DEPTOR: variants seen among roughly 807,000 people sequenced by gnomAD.
DEPTOR encodes DEP domain containing MTOR interacting protein.
In DEPTOR, 41 loss-of-function variants were observed where a neutral mutation model predicts 41.6. The observed-to-expected ratio is 0.98, with a 90% CI of 0.77 to 1.28. DEPTOR has a LOEUF of 1.28. DEPTOR is among the 50% of genes most tolerant of loss of function. The pLI is 0.00. For synonymous variants in DEPTOR, 195 were observed against 192.3 expected (o/e 1.01, Z -0.12); for missense variants, 514 against 527.9 (o/e 0.97, Z 0.26).
chr8:119,982,867 G>T (rs1024793319), intron 4 of DEPTOR, among the ~76,000 whole-genome samples: 22 of 152,154 alleles, frequency 1.4e-4, no homozygotes, highest in African/African-American at 4.8e-4. Flanking sequence ...TGTGTCACAT[G>T]GTCACCCCAT....
At chr8:120,004,068 G>A (rs1475303842) in intron 6 of DEPTOR, among the ~76,000 whole-genome samples, 2 of 151,984 alleles carry the variant, frequency 1.3e-5, no homozygotes, top group African/African-American at 4.8e-5. Context: ...CAGATCTTGG[G>A]GATACAAAGA....
intron 4 of DEPTOR, among the ~76,000 whole-genome samples, chr8:119,977,781 G>A (rs930783518): frequency 6.6e-6 from 1 of 152,106 alleles, no homozygotes. Flanking sequence ...GTAATATTTT[G>A]AAAGAAGAGT....
At chr8:120,024,269 C>T (rs1349988377) in intron 8 of DEPTOR, among the ~76,000 whole-genome samples, 1 of 151,972 alleles carries the variant, frequency 6.6e-6, no homozygotes, top group South Asian at 2.1e-4. Context: ...ATAAAAGACA[C>T]CTCTGGAAGT....
In DEPTOR at chr8:120,013,160, G is replaced by GA. The variant is rs1210970977; in HGVS notation, c.1101+4042dup. Reference sequence around the variant, plus strand: ...TGACAGAGCGAGACTGTCTCAAAAAGAAAAAAAAAAAAAAAGATGATGGGA... The same window carrying GA: ...TGACAGAGCGAGACTGTCTCAAAAAGAAAAAAAAAAAAAAAAGATGATGGGA... On this transcript the variant is annotated intron_variant, in intron 8 of 8. Coordinates refer to ENST00000286234, the MANE Select transcript of DEPTOR (RefSeq NM_022783.4). 3.1e-3 allele frequency among the ~76,000 whole-genome samples: 357 copies of GA among 113,504 alleles called. 1 individual carries two copies. Among genetic ancestry groups the GA allele is most frequent in the Middle Eastern group, 0.014 (3 of 218 alleles). The allele number at this position is 113,504 out of a possible 152,430, so 74.5% of individuals were successfully genotyped here. A position where few individuals can be genotyped will look rare whatever the true frequency, so the allele number is the denominator to read the frequency against.
At chr8:119,972,225 A>T (rs1828642282) in intron 4 of DEPTOR, among the ~76,000 whole-genome samples, 1 of 152,180 alleles carries the variant, frequency 6.6e-6, no homozygotes, top group Admixed American at 6.5e-5. Flanking sequence ...AAATGTATAG[A>T]GCTCTTACTA....
chr8:119,960,358 AAT>A (rs935718545), intron 3 of DEPTOR, among the ~76,000 whole-genome samples: 5 of 152,224 alleles, frequency 3.3e-5, no homozygotes, highest in African/African-American at 1.2e-4. Flanking sequence ...TTCCTCATTT[AAT>A]ATGAGTTTGG....
intron 3 of DEPTOR, among the ~76,000 whole-genome samples, chr8:119,956,712 G>T (rs891989789): frequency 2.2e-5 from 3 of 137,424 alleles, no homozygotes; most frequent in Non-Finnish European, 4.7e-5. Context: ...TTTTTTTTAA[G>T]AGACAGGGTT....
chr8:119,971,702 G>C (rs1828635981), intron 4 of DEPTOR, among the ~76,000 whole-genome samples: 2 of 152,162 alleles, frequency 1.3e-5, no homozygotes, highest in South Asian at 4.1e-4. Flanking sequence ...GCGGGGAGAA[G>C]GTCGGAGACA....
chr8:119,910,475 C>T lies in DEPTOR; in HGVS notation c.123-17925C>T, dbSNP rs542553019. Among the ~76,000 whole-genome samples, 12 of 151,550 alleles carry T rather than the reference C, an allele frequency of 7.9e-5. No individual in the cohort carries two copies. In the South Asian group the frequency reaches 2.5e-3, roughly 32 times the overall value. ...TTTTTTATTTTTTATTTTTTTGAGACAGAGTCCCGCTCTGTCCCCCAGGCT... is the reference window on the plus strand; with the variant it reads ...TTTTTTATTTTTTATTTTTTTGAGATAGAGTCCCGCTCTGTCCCCCAGGCT... On this transcript the variant is annotated intron_variant, in intron 1 of 8. Coordinates refer to ENST00000286234, the MANE Select transcript of DEPTOR (RefSeq NM_022783.4).
intron 2 of DEPTOR, among the ~76,000 whole-genome samples, chr8:119,929,269 T>G (rs1038676263): frequency 6.6e-6 from 1 of 152,162 alleles, no homozygotes; most frequent in Non-Finnish European, 1.5e-5. Flanking sequence ...CCTCATTTTT[T>G]GCCCAATTTC....
chr8:120,039,701 C>T (rs530023790), intron 8 of DEPTOR, among the ~76,000 whole-genome samples: 1 of 152,016 alleles, frequency 6.6e-6, no homozygotes, highest in Non-Finnish European at 1.5e-5. Flanking sequence ...TTCTCAGGAG[C>T]CTGATTATTA....
chr8:119,949,232 T>G (rs1156766608), intron 3 of DEPTOR, among the ~76,000 whole-genome samples: 1 of 152,278 alleles, frequency 6.6e-6, no homozygotes, highest in Non-Finnish European at 1.5e-5. Context: ...TATAGCCAAC[T>G]AATTCCTTGT....
chr8:119,885,990 T>C (rs1170638392), intron 1 of DEPTOR, among the ~76,000 whole-genome samples: 1 of 152,192 alleles, frequency 6.6e-6, no homozygotes, highest in Non-Finnish European at 1.5e-5. Context: ...ATAAAATTTA[T>C]ATACAATAAA....
chr8:119,973,889 C>G (rs924474480), intron 4 of DEPTOR, among the ~76,000 whole-genome samples: 2 of 152,116 alleles, frequency 1.3e-5, no homozygotes, highest in African/African-American at 4.8e-5. Context: ...ATGATTATCT[C>G]ATCCTTCAGT....
intron 4 of DEPTOR, among the ~76,000 whole-genome samples, chr8:119,966,688 G>GCTGGCCTCTAACTACTGGCCT (rs2099669046): frequency 6.6e-6 from 1 of 152,136 alleles, no homozygotes; most frequent in Admixed American, 6.5e-5. Context: ...TGTTGGCCAG[G>GCTGGCCTCTAACTACTGGCCT]CTGGCCTCTA....
chr8:119,938,880 CCTCT>C (rs141789019), intron 3 of DEPTOR, among the ~76,000 whole-genome samples: 27,374 of 147,198 alleles, frequency 0.19, 2,841 homozygotes, highest in Middle Eastern at 0.33. Context: ...TCTGCCTTCC[CCTCT>C]CTCTCTCTTT....
Position 119,881,053 on chromosome 8 carries a change from G to A in DEPTOR, c.122+7085G>A, listed in dbSNP as rs534737040. Among the ~76,000 whole-genome samples, 39 of 152,332 alleles carry A rather than the reference G, an allele frequency of 2.6e-4. No homozygotes were observed. The South Asian group carries it at 7.5e-3, about 29-fold the overall frequency. Reference sequence around the variant, plus strand: ...CTAGGCTATGAATTTAGTTAGCTAAGTTGGAGGAAATGCAGTTCTTTCAAA... The same window carrying A: ...CTAGGCTATGAATTTAGTTAGCTAAATTGGAGGAAATGCAGTTCTTTCAAA... On this transcript the variant is annotated intron_variant, in intron 1 of 8. Transcript: ENST00000286234.
At chr8:120,013,891 G>A (rs1038690227) in intron 8 of DEPTOR, among the ~76,000 whole-genome samples, 9 of 148,366 alleles carry the variant, frequency 6.1e-5, no homozygotes, top group Admixed American at 2.0e-4. Flanking sequence ...CCCAGCTGGC[G>A]TGCAGTGGCG....
At chr8:119,915,945 T>TAAAAAAAA (rs201870960) in intron 1 of DEPTOR, among the ~76,000 whole-genome samples, 1 of 126,650 alleles carries the variant, frequency 7.9e-6, no homozygotes, top group Non-Finnish European at 1.6e-5. Flanking sequence ...CTTCATTTGT[T>TAAAAAAAA]AAAAAAAAAA....
Sources: gnomAD v4.1 joint callset for allele counts (sites outside exome capture counted in the v4.1 genomes callset) on GRCh38, gnomAD v4.1.1 for gene constraint, MANE v1.5 for transcripts, NCBI Gene and HGNC (gene_info 2026-07-23, HGNC 2026-07-21) for gene names.